Variants in EBF4 observed in about 807,000 individuals in gnomAD.
EBF4 encodes the protein transcription factor COE4.
EBF4 carries 34 observed loss-of-function variants against 67.1 expected under a neutral mutation model. The ratio of observed to expected loss-of-function variants is 0.51; its 90% CI spans 0.39 to 0.67. EBF4 has a LOEUF of 0.67. Ranked by LOEUF, EBF4 falls within the 30% of genes least tolerant of loss-of-function variation. The probability of loss-of-function intolerance (pLI) is 0.00; values close to 1 mark genes in which losing one functional copy is unlikely to be tolerated. For synonymous variants in EBF4, 387 were observed against 377.7 expected (o/e 1.02, Z -0.29); for missense variants, 837 against 873.3 (o/e 0.96, Z 0.52).
intron 5 of EBF4, 30 bp downstream of exon 5, chr20:2,708,050 C>A: frequency 6.3e-7 from 1 of 1,587,080 alleles, no homozygotes; most frequent in South Asian, 1.1e-5. Context: ...CACACCTCAC[C>A]CCTCTGCCAA....
At chr20:2,752,262 G>T in exon 13 of EBF4, 1 of 1,252,042 alleles carries the variant, frequency 8.0e-7, no homozygotes, top group Non-Finnish European at 1.0e-6. Flanking sequence ...GGCCCGAGCC[G>T]GGTGCGTGGG....
chr20:2,751,762 C>T lies in EBF4; in HGVS notation c.1081C>T (p.Pro361Ser), dbSNP rs1313435336. The change falls in exon 11 of 17, where the codon CCC (proline) becomes TCC (serine). Residue 361 changes from proline to serine, a missense_variant. Pro to Ser is a moderately conservative substitution (Grantham distance 74, BLOSUM62 -1). Around this residue, in one of 3 missense-constraint regions of EBF4, gnomAD observed 525 missense variants for 496.5 expected, o/e 1.06. Coordinates refer to ENST00000609451, the Ensembl canonical transcript of EBF4. The surrounding 1 kb of genome is among the most constrained non-coding windows in gnomAD (Gnocchi z 5.2). ...GCTACAGAAAGTCATTCCCAGACAC[C>T]CCGGAGACCCCGAGAGGCTGCCCAA... 6.4e-7 allele frequency: 1 copy of T among 1,550,600 alleles called. No homozygotes were observed. Among genetic ancestry groups the T allele is most frequent in the African/African-American group, 1.4e-5 (1 of 73,130 alleles).
chr20:2,742,279 C>T (rs1245743237), intron 6 of EBF4, among the ~76,000 whole-genome samples: 7 of 152,306 alleles, frequency 4.6e-5, no homozygotes, highest in South Asian at 2.1e-4. Flanking sequence ...TGGTTGCAGA[C>T]CGACACGACC....
intron 1 of EBF4, among the ~76,000 whole-genome samples, chr20:2,704,875 C>G (rs2087429096): frequency 6.6e-6 from 1 of 152,248 alleles, no homozygotes; most frequent in Admixed American, 6.5e-5. Context: ...TGCTCTCACT[C>G]TGGCCTTGCT....
rs146361396 is a variant in EBF4, at chr20:2,736,987, C to A, written c.558-11562C>A. 4.3e-3 allele frequency among the ~76,000 whole-genome samples: 655 copies of A among 152,212 alleles called. 5 individuals carry two copies. Among genetic ancestry groups the A allele is most frequent in the African/African-American group, 0.015 (608 of 41,506 alleles). ...GAAGAGGACCGGGCGCGGTGGCTCA[C>A]GCTTGTAATCCCAGCACTTTGGGAG... On this transcript the variant is annotated intron_variant, in intron 6 of 16. Coordinates refer to ENST00000609451, the Ensembl canonical transcript of EBF4.
At chr20:2,733,156 A>C (rs73892658) in intron 6 of EBF4, among the ~76,000 whole-genome samples, 7,865 of 152,258 alleles carry the variant, frequency 0.052, 645 homozygotes, top group African/African-American at 0.18. Flanking sequence ...ATCATTTTAG[A>C]AGTTGATAGT....
intron 6 of EBF4, among the ~76,000 whole-genome samples, chr20:2,728,998 G>A (rs1212400781): frequency 1.3e-5 from 2 of 151,898 alleles, no homozygotes; most frequent in Non-Finnish European, 2.9e-5. Flanking sequence ...GATTACTGTA[G>A]TTGTTAGAAC....
At chr20:2,721,738 A>G (rs1030776801) in intron 6 of EBF4, among the ~76,000 whole-genome samples, 4 of 152,210 alleles carry the variant, frequency 2.6e-5, no homozygotes, top group Non-Finnish European at 5.9e-5. Flanking sequence ...TACAGGTGTG[A>G]GCCACTGCAC....
intron 6 of EBF4, among the ~76,000 whole-genome samples, chr20:2,741,094 T>TGAGCCCAG (rs1408364749): frequency 6.6e-6 from 1 of 152,142 alleles, no homozygotes; most frequent in Non-Finnish European, 1.5e-5. Flanking sequence ...AAGGATCGCC[T>TGAGCCCAG]GAGCCCAGGA....
At chr20:2,714,342 CTTTCTTTCT>C (rs982486513) in intron 6 of EBF4, among the ~76,000 whole-genome samples, 4 of 150,210 alleles carry the variant, frequency 2.7e-5, no homozygotes, top group Admixed American at 2.7e-4. Context: ...CTCTCTCTTT[CTTTCTTTCT>C]TTTCTTTCTT....
Position 2,751,588 on chromosome 20 carries a change from C to A in EBF4, c.1019-112C>A. On this transcript the variant is annotated intron_variant, in intron 10 of 16. Coordinates refer to ENST00000609451, the Ensembl canonical transcript of EBF4. The surrounding 1 kb of genome is among the most constrained non-coding windows in gnomAD (Gnocchi z 5.2). ...CTTGGGCTGGGCCTGGTGGAGGGGG[C>A]TGCAGCGAGGCTCTCGGACTGGGCG... 9.2e-7 allele frequency: 1 copy of A among 1,091,088 alleles called. No homozygotes were observed. Among genetic ancestry groups the A allele is most frequent in the Non-Finnish European group, 1.3e-6 (1 of 742,354 alleles). The allele number at this position is 1,091,088 out of a possible 1,614,324, so 67.6% of individuals were successfully genotyped here. A position where few individuals can be genotyped will look rare whatever the true frequency, so the allele number is the denominator to read the frequency against.
chr20:2,699,598 C>T (rs1436646186), intron 1 of EBF4, among the ~76,000 whole-genome samples: 1 of 152,208 alleles, frequency 6.6e-6, no homozygotes, highest in Non-Finnish European at 1.5e-5. Context: ...GTGCTTTAAA[C>T]AATCTTTTTA....
chr20:2,695,078 A>G (rs1178538386), intron 1 of EBF4, among the ~76,000 whole-genome samples: 3 of 149,078 alleles, frequency 2.0e-5, no homozygotes, highest in Admixed American at 1.3e-4. Flanking sequence ...TTCCTGTGCT[A>G]TGCTTACAAT....
chr20:2,696,123 C>T lies in EBF4; in HGVS notation c.137+2341C>T, dbSNP rs1276919930. ...AAAACCATCTTCCCTGCATTGGGGA[C>T]CAAAGCAGTATTTCCAAAGTACTTT... On this transcript the variant is annotated intron_variant, in intron 1 of 16. Coordinates refer to ENST00000609451, the Ensembl canonical transcript of EBF4. The surrounding 1 kb of genome is among the most constrained non-coding windows in gnomAD (Gnocchi z 4.7). Among the ~76,000 whole-genome samples the T allele has an allele frequency of 1.3e-5, 2 of 152,202 alleles. No homozygotes were observed. The highest frequency in any genetic ancestry group is 4.8e-5 in the African/African-American group (2 of 41,436).
At chr20:2,752,703 C>T (rs539259089) in intron 14 of EBF4, among the ~76,000 whole-genome samples, 158 bp downstream of exon 14, 3 of 152,210 alleles carry the variant, frequency 2.0e-5, no homozygotes, top group Non-Finnish European at 4.4e-5. Context: ...CGCCTGGGAC[C>T]TCCCCTGCCG....
At chr20:2,713,477 A>C (rs1488086359) in intron 6 of EBF4, among the ~76,000 whole-genome samples, 1 of 152,104 alleles carries the variant, frequency 6.6e-6, no homozygotes. Context: ...GAGTGAGTGA[A>C]CCAGGGGGAT....
chr20:2,748,233 A>T (rs1387014109), intron 6 of EBF4, among the ~76,000 whole-genome samples: 1 of 152,144 alleles, frequency 6.6e-6, no homozygotes, highest in Non-Finnish European at 1.5e-5. Flanking sequence ...TAGTGTATAT[A>T]ATGGACTTAC....
chr20:2,734,277 C>T (rs2087850634), intron 6 of EBF4, among the ~76,000 whole-genome samples: 1 of 152,056 alleles, frequency 6.6e-6, no homozygotes, highest in Non-Finnish European at 1.5e-5. Flanking sequence ...GGCATGGTGG[C>T]TCATACCTGT....
At chr20:2,748,776 G>C (rs1185014688) in intron 7 of EBF4, 146 bp downstream of exon 7, 6 of 906,452 alleles carry the variant, frequency 6.6e-6, no homozygotes. Flanking sequence ...CCCCAGCCTG[G>C]TTGGTGCCTG....
Sources: gnomAD v4.1 joint callset for allele counts (sites outside exome capture counted in the v4.1 genomes callset) on GRCh38, gnomAD v4.1.1 for gene constraint, gnomAD v4.1.1 regional missense constraint, Gnocchi (gnomAD v3.1) non-coding constraint, MANE v1.5 for transcripts, NCBI Gene and HGNC (gene_info 2026-07-23, HGNC 2026-07-21) for gene names.